The following PLCB1 variants were observed in gnomAD, a reference collection of about 807,000 sequenced individuals.
The protein encoded by PLCB1 is phospholipase C beta 1, also known as 1-phosphatidylinositol 4,5-bisphosphate phosphodiesterase beta-1.
In PLCB1, 46 loss-of-function variants were observed where a neutral mutation model predicts 161.8. The observed-to-expected ratio is 0.28, with a 90% CI of 0.22 to 0.36. PLCB1 has a LOEUF of 0.36. Ranked by LOEUF, PLCB1 falls within the 10% of genes least tolerant of loss-of-function variation. The pLI, the probability that PLCB1 is intolerant of heterozygous loss-of-function variation, is 1.00. For synonymous variants in PLCB1, 517 were observed against 503.7 expected (o/e 1.03, Z -0.35); for missense variants, 1,016 against 1,472.5 (o/e 0.69, Z 5.07).
intron 3 of PLCB1, chr20:8,625,407 TA>T (rs1400805726): frequency 6.6e-6 from 1 of 152,186 alleles, no homozygotes; most frequent in Non-Finnish European, 1.5e-5. Flanking sequence ...ACAGGTCAAA[TA>T]AAGAGTGAAC....
chr20:8,630,913 T>G (rs1169105301), intron 4 of PLCB1, among the ~76,000 whole-genome samples: 1 of 152,222 alleles, frequency 6.6e-6, no homozygotes, highest in African/African-American at 2.4e-5. Flanking sequence ...CCTTAGGGAT[T>G]TTTATCTCCA....
chr20:8,666,572 T>C (rs1009222888), intron 9 of PLCB1, among the ~76,000 whole-genome samples: 5 of 152,224 alleles, frequency 3.3e-5, no homozygotes, highest in African/African-American at 4.8e-5. Context: ...TTAGTCAAAC[T>C]GTCAGTTTAT....
Position 8,760,473 on chromosome 20 carries a change from C to CT in PLCB1, c.2710+16dup, listed in dbSNP as rs1981964142. 1.2e-6 allele frequency: 2 copies of CT among 1,600,834 alleles called. No homozygotes were observed. The highest frequency in any genetic ancestry group is 4.5e-5 in the East Asian group (2 of 44,742). On this transcript the variant is annotated intron_variant, in intron 25 of 31. Coordinates refer to ENST00000338037, the MANE Select transcript of PLCB1 (RefSeq NM_015192.4). ...AGTGTCTTAACAGGTAAATGCCACCCTTTCCCCCCATGGAATTAAGCAGCT... is the reference window on the plus strand; with the variant it reads ...AGTGTCTTAACAGGTAAATGCCACCCTTTTCCCCCCATGGAATTAAGCAGCT...
intron 31 of PLCB1, among the ~76,000 whole-genome samples, chr20:8,794,882 T>A (rs1983940385): frequency 6.6e-6 from 1 of 152,318 alleles, no homozygotes; most frequent in Non-Finnish European, 1.5e-5. Context: ...TTAACAGTTT[T>A]TCAGTGGCAA....
intron 3 of PLCB1, among the ~76,000 whole-genome samples, chr20:8,377,890 T>C (rs1987141037): frequency 1.3e-5 from 2 of 152,144 alleles, no homozygotes; most frequent in Admixed American, 6.5e-5. Context: ...AGGGAAGATG[T>C]TGGCCCTGGA....
chr20:8,729,049 G>A lies in PLCB1; in HGVS notation c.1764-1G>A, dbSNP rs1423874059. The A allele has an allele frequency of 6.2e-7, 1 of 1,603,792 alleles. No homozygotes were observed. Among genetic ancestry groups the A allele is most frequent in the Non-Finnish European group, 8.5e-7 (1 of 1,173,884 alleles). ...ATTCACTACTTAACATGATGGTCCA[G>A]ATATAACAAAATGCAGCTTAGCAGG... On this transcript the variant is annotated splice_acceptor_variant, in intron 17 of 31. Transcript: ENST00000338037. LOFTEE classifies it high-confidence loss of function.
At chr20:8,402,958 T>C (rs1978630752) in intron 3 of PLCB1, among the ~76,000 whole-genome samples, 2 of 152,198 alleles carry the variant, frequency 1.3e-5, no homozygotes. Context: ...TTATATCTAT[T>C]TTTGTCTTTG....
intron 2 of PLCB1, among the ~76,000 whole-genome samples, chr20:8,319,991 T>TATA (rs1456315510): frequency 6.6e-6 from 1 of 151,926 alleles, no homozygotes; most frequent in Admixed American, 6.6e-5. Context: ...AAACTTAAAG[T>TATA]ATAATAATAA....
Position 8,406,014 on chromosome 20 carries a change from C to CTT in PLCB1, c.246+34574_246+34575dup, listed in dbSNP as rs61003140. Among the ~76,000 whole-genome samples, 1,232 of 145,954 alleles carry CTT rather than the reference C, an allele frequency of 8.4e-3. 24 individuals are homozygous for CTT. Among genetic ancestry groups the CTT allele is most frequent in the African/African-American group, 0.028 (1,135 of 40,218 alleles). On this transcript the variant is annotated intron_variant, in intron 3 of 31. Coordinates refer to ENST00000338037, the MANE Select transcript of PLCB1 (RefSeq NM_015192.4). ...CTACTAATTAGGGCTTTTTTTCTTC[C>CTT]TTTTTTTTTTTGATAGCTGCTTGTT...
At chr20:8,550,573 C>T (rs530740675) in intron 3 of PLCB1, among the ~76,000 whole-genome samples, 1 of 152,238 alleles carries the variant, frequency 6.6e-6, no homozygotes, top group South Asian at 2.1e-4. Flanking sequence ...TCAATTAAGC[C>T]TCTTTTCTTT....
intron 2 of PLCB1, among the ~76,000 whole-genome samples, chr20:8,223,651 G>A (rs1305406865): frequency 1.3e-5 from 2 of 152,088 alleles, no homozygotes; most frequent in Admixed American, 1.3e-4. Context: ...TGTGTTTTGG[G>A]TATGTAAACA....
At chr20:8,178,566 C>A (rs73080260) in intron 2 of PLCB1, among the ~76,000 whole-genome samples, 5,042 of 152,164 alleles carry the variant, frequency 0.033, 158 homozygotes, top group Non-Finnish European at 0.051. Flanking sequence ...CAAATGTTTT[C>A]TCATATTCTG....
chr20:8,476,259 A>G (rs915651355), intron 3 of PLCB1, among the ~76,000 whole-genome samples: 6 of 152,158 alleles, frequency 3.9e-5, no homozygotes, highest in Admixed American at 3.9e-4. Flanking sequence ...CTGTACCTCA[A>G]TCCTGAAGAA....
chr20:8,440,719 AGTATT>A (rs1038735527), intron 3 of PLCB1, among the ~76,000 whole-genome samples: 14 of 152,302 alleles, frequency 9.2e-5, no homozygotes, highest in South Asian at 4.1e-4. Context: ...AATAAATTCT[AGTATT>A]GTATAGCTTT....
intron 3 of PLCB1, among the ~76,000 whole-genome samples, chr20:8,565,564 A>G (rs915901368): frequency 3.4e-5 from 5 of 148,268 alleles, no homozygotes; most frequent in Non-Finnish European, 7.4e-5. Flanking sequence ...AATAAAAAAT[A>G]AAAAAAAGAA....
At chr20:8,658,781 C>G (rs1486438339) in intron 9 of PLCB1, 77 bp downstream of exon 9, 13 of 1,228,676 alleles carry the variant, frequency 1.1e-5, no homozygotes, top group Non-Finnish European at 1.3e-5. Context: ...GTTAGGAACA[C>G]CAGTGATCGT....
intron 10 of PLCB1, among the ~76,000 whole-genome samples, chr20:8,694,078 T>C (rs1225213957): frequency 6.6e-6 from 1 of 152,198 alleles, no homozygotes; most frequent in Non-Finnish European, 1.5e-5. Flanking sequence ...ATTCAATATA[T>C]TCAAATGGAA....
chr20:8,182,617 A>G (rs555721438), intron 2 of PLCB1, among the ~76,000 whole-genome samples: 3 of 140,030 alleles, frequency 2.1e-5, no homozygotes, highest in Non-Finnish European at 3.0e-5. Flanking sequence ...GTCTTACTCT[A>G]TTGCCCAGAC....
chr20:8,641,844 C>G (rs1988966488), intron 4 of PLCB1, among the ~76,000 whole-genome samples: 1 of 152,106 alleles, frequency 6.6e-6, no homozygotes, highest in African/African-American at 2.4e-5. Context: ...CAAGAAAGCC[C>G]TTTTGCATTC....
Sources: allele counts gnomAD v4.1 joint callset (sites outside exome capture counted in the v4.1 genomes callset), GRCh38; gene constraint gnomAD v4.1.1; transcripts MANE v1.5; gene names NCBI Gene and HGNC (gene_info 2026-07-23, HGNC 2026-07-21).